The following PDSS1 variants were observed in gnomAD, a reference collection of about 807,000 sequenced individuals.
PDSS1 encodes decaprenyl diphosphate synthase subunit 1.
PDSS1 carries 43 observed loss-of-function variants against 57.5 expected under a neutral mutation model. That is an observed-to-expected ratio of 0.75 (90% CI 0.59 to 0.96). The LOEUF is 0.96. PDSS1 is among the 50% of genes least tolerant of loss of function. PDSS1 has a pLI of 0.00. For missense variants in PDSS1, 438 were observed against 527.8 expected, an observed-to-expected ratio of 0.83 and a Z score of 1.67; for synonymous variants, 175 against 191.3, an observed-to-expected ratio of 0.91 and a Z score of 0.70.
chr10:26,710,798 G>T lies in PDSS1; in HGVS notation c.467+1030G>T, dbSNP rs1835391952. Among the ~76,000 whole-genome samples the T allele has an allele frequency of 2.0e-5, 2 of 99,280 alleles. 1 individual carries two copies. Among genetic ancestry groups the T allele is most frequent in the Non-Finnish European group, 4.7e-5 (2 of 42,688 alleles). The allele number at this position is 99,280 out of a possible 152,430, so 65.1% of individuals were successfully genotyped here. A position where few individuals can be genotyped will look rare whatever the true frequency, so the allele number is the denominator to read the frequency against. On this transcript the variant is annotated intron_variant, in intron 5 of 11. Transcript: ENST00000376215. ...TCCCCTGGGATTACTGACACCTGAG[G>T]GAGGGGGAGAGGATACAGGACTGGG...
chr10:26,743,842 G>T (rs1360214763), intron 11 of PDSS1, among the ~76,000 whole-genome samples: 1 of 152,072 alleles, frequency 6.6e-6, no homozygotes, highest in Non-Finnish European at 1.5e-5. Flanking sequence ...ACAACTCAGG[G>T]TTACAAATAA....
At chr10:26,697,871 C>G (rs1187835984) in intron 1 of PDSS1, 31 bp downstream of exon 1, 2 of 1,270,788 alleles carry the variant, frequency 1.6e-6, no homozygotes, top group East Asian at 3.3e-5. Flanking sequence ...CCCGGCGGGG[C>G]TCAGAGGTCA....
At chr10:26,719,048 G>A (rs1254312016) in intron 5 of PDSS1, among the ~76,000 whole-genome samples, 3 of 152,040 alleles carry the variant, frequency 2.0e-5, no homozygotes, top group African/African-American at 4.8e-5. Context: ...GTTCAGATTC[G>A]ATTTTTAAAG....
At chr10:26,703,022 T>C (rs1233501063) in intron 2 of PDSS1, among the ~76,000 whole-genome samples, 4 of 152,188 alleles carry the variant, frequency 2.6e-5, no homozygotes, top group African/African-American at 9.7e-5. Context: ...AAATAGTAGC[T>C]TGATTGAATA....
Position 26,705,270 on chromosome 10 carries a change from T to G in PDSS1, c.228-16T>G. The G allele has an allele frequency of 6.9e-7, 1 of 1,455,102 alleles. No individual in the cohort carries two copies. The highest frequency in any genetic ancestry group is 9.7e-7 in the Non-Finnish European group (1 of 1,035,390). The allele number at this position is 1,455,102 out of a possible 1,614,324, so 90.1% of individuals were successfully genotyped here. ...TTACTTGAAAATGAAGTCATGTGCATTTTTGCATGTCCCAGGTTTCATCAC... is the reference window on the plus strand; with the variant it reads ...TTACTTGAAAATGAAGTCATGTGCAGTTTTGCATGTCCCAGGTTTCATCAC... On this transcript the variant is annotated splice_polypyrimidine_tract_variant and intron_variant, in intron 3 of 11. Transcript: ENST00000376215.
In PDSS1 at chr10:26,705,315, C is replaced by T. The variant is rs556812437; in HGVS notation, c.257C>T (p.Thr86Ile). The change falls in exon 4 of 12, where the codon ACA (threonine) becomes ATA (isoleucine). Residue 86 changes from threonine to isoleucine, a missense_variant. Thr to Ile is a moderately conservative substitution (Grantham distance 89, BLOSUM62 -1). This residue lies in a region of PDSS1 where 154 missense variants were observed against 137.0 expected (regional missense o/e 1.12). Transcript: ENST00000376215. ...RFHHTTPDSKTHSGEKYTDPF... is the reference protein window; with the variant it reads ...RFHHTTPDSKIHSGEKYTDPF... ...CATCACACAACCCCAGACAGTAAAACACACAGTGGTGAAAAATACACCGAT... is the reference window on the plus strand; with the variant it reads ...CATCACACAACCCCAGACAGTAAAATACACAGTGGTGAAAAATACACCGAT... 6.2e-7 allele frequency: 1 copy of T among 1,612,192 alleles called. No individual in the cohort carries two copies. Among genetic ancestry groups the T allele is most frequent in the Admixed American group, 1.7e-5 (1 of 60,012 alleles).
chr10:26,738,522 A>G (rs1836478586), intron 10 of PDSS1, among the ~76,000 whole-genome samples: 1 of 152,224 alleles, frequency 6.6e-6, no homozygotes, highest in Non-Finnish European at 1.5e-5. Context: ...CGATACTCAA[A>G]GAATCATCTC....
rs1340628752 is a variant in PDSS1 at position 26,742,515 on chromosome 10, A to G, written c.1045A>G (p.Met349Val). 1.2e-6 allele frequency: 2 copies of G among 1,611,842 alleles called. No homozygotes were observed. The highest frequency in any genetic ancestry group is 1.3e-5 in the African/African-American group (1 of 75,004). The stretch of plus-strand genomic sequence containing the variant: ...TTGTTAGTTCCCAGAAATGAATGCT[A>G]TGATCATGCGACGGTTCAGTTTGCC... ...ACQQFPEMNA[M>V]IMRRFSLPGD... The change falls in exon 11 of 12, where the codon ATG (methionine) becomes GTG (valine). Residue 349 changes from methionine (M) to valine (V), a missense_variant. By Grantham distance (21) the Met-to-Val change is conservative (BLOSUM62 1). This residue lies in a region of PDSS1 where 284 missense variants were observed against 390.7 expected (regional missense o/e 0.73). Transcript: ENST00000376215.
chr10:26,721,328 A>G (rs1042179518), intron 6 of PDSS1, among the ~76,000 whole-genome samples: 13 of 151,508 alleles, frequency 8.6e-5, no homozygotes, highest in Non-Finnish European at 4.4e-5. Flanking sequence ...TGTGCAAACA[A>G]CTACCCCACC....
rs1389474344 is a variant in PDSS1, at chr10:26,746,459, A to T, written c.1234A>T (p.Thr412Ser). 1 of 1,614,158 alleles carries T rather than the reference A, an allele frequency of 6.2e-7. No individual in the cohort carries two copies. The highest frequency in any genetic ancestry group is 8.5e-7 in the Non-Finnish European group (1 of 1,179,988). The change falls in exon 12 of 12, where the codon ACA becomes TCA. Residue 412 changes from threonine (T) to serine (S), a missense_variant. Thr to Ser is a moderately conservative substitution (Grantham distance 58). Around this residue, in one of 2 missense-constraint regions of PDSS1, gnomAD observed 284 missense variants for 390.7 expected, o/e 0.73. Transcript: ENST00000376215. ...CATTCAGCTTTCAGAAATTGTACTC[A>T]CAAGAGATAAATGACAACTCTTTCT... ...ALIQLSEIVL[T>S]RDK is the part of the protein sequence containing the mutation.
chr10:26,745,192 G>A (rs1239762190), intron 11 of PDSS1, among the ~76,000 whole-genome samples: 2 of 152,044 alleles, frequency 1.3e-5, no homozygotes, highest in Admixed American at 1.3e-4. Flanking sequence ...ATAAATAAAT[G>A]TCAGAGGGAT....
chr10:26,703,941 C>T (rs1359981849), intron 2 of PDSS1, among the ~76,000 whole-genome samples: 3 of 151,666 alleles, frequency 2.0e-5, no homozygotes, highest in Non-Finnish European at 4.4e-5. Context: ...ATTAGCCAGG[C>T]GAGGTGGTGG....
Position 26,734,642 on chromosome 10 carries a change from AAAG to A in PDSS1, c.832-596_832-594del, listed in dbSNP as rs1371131460. The A allele has an allele frequency of 3.7e-5, 17 of 455,990 alleles. 1 individual carries two copies. The highest frequency in any genetic ancestry group is 3.2e-4 in the Middle Eastern group (1 of 3,096). 28.2% of individuals were successfully genotyped at this position (455,990 alleles called of 1,614,324 possible). Reference sequence around the variant, plus strand: ...ACCAGTGAAGTTCCTTCCGATAATGAAAGAGCGATATCTGTGTCTGAAGCAGGA... The same window carrying A: ...ACCAGTGAAGTTCCTTCCGATAATGAAGCGATATCTGTGTCTGAAGCAGGA... On this transcript the variant is annotated intron_variant, in intron 8 of 11. Transcript: ENST00000376215.
At chr10:26,740,587 C>T in intron 10 of PDSS1, 3 of 452,118 alleles carry the variant, frequency 6.6e-6, no homozygotes, top group Admixed American at 2.4e-5. Flanking sequence ...CCTATTTTTT[C>T]TTCTAGGATT....
chr10:26,743,836 C>T (rs930801542), intron 11 of PDSS1, among the ~76,000 whole-genome samples: 1 of 152,032 alleles, frequency 6.6e-6, no homozygotes, highest in Admixed American at 6.6e-5. Flanking sequence ...GAATAGACAA[C>T]TCAGGGTTAC....
intron 10 of PDSS1, among the ~76,000 whole-genome samples, chr10:26,741,990 C>T (rs990373180): frequency 2.6e-5 from 4 of 152,234 alleles, no homozygotes; most frequent in Non-Finnish European, 5.9e-5. Context: ...ATTCTCTTGC[C>T]TCAGCCTCCC....
intron 8 of PDSS1, among the ~76,000 whole-genome samples, chr10:26,732,423 G>A (rs1001118467): frequency 9.2e-5 from 14 of 152,218 alleles, no homozygotes; most frequent in African/African-American, 3.4e-4. Context: ...GCACAGAGGG[G>A]ACAGTGCAGA....
chr10:26,705,794 A>G (rs1463358948), intron 4 of PDSS1, among the ~76,000 whole-genome samples: 2 of 152,240 alleles, frequency 1.3e-5, no homozygotes, highest in African/African-American at 4.8e-5. Context: ...GCAGTTTGCA[A>G]TCTTGATTGA....
chr10:26,730,682 C>T (rs968623421), intron 8 of PDSS1, among the ~76,000 whole-genome samples: 53 of 152,112 alleles, frequency 3.5e-4, no homozygotes, highest in Non-Finnish European at 4.4e-5. Context: ...AATACAGTAA[C>T]TCTCCCTTTT....
Sources: allele counts gnomAD v4.1 joint callset (sites outside exome capture counted in the v4.1 genomes callset), GRCh38; gene constraint gnomAD v4.1.1; regional missense constraint gnomAD v4.1.1; transcripts MANE v1.5; gene names NCBI Gene and HGNC (gene_info 2026-07-23, HGNC 2026-07-21).